PAPPA: variants seen among roughly 807,000 people sequenced by gnomAD.
The protein encoded by PAPPA is pappalysin-1.
PAPPA carries 60 observed loss-of-function variants against 164.0 expected under a neutral mutation model. The ratio of observed to expected loss-of-function variants is 0.37; its 90% CI spans 0.30 to 0.45. The LOEUF is 0.45. Among genes scored for constraint, PAPPA ranks in the 20% least tolerant of loss-of-function variants. PAPPA has a pLI of 1.00. For synonymous variants in PAPPA, 875 were observed against 814.1 expected, an observed-to-expected ratio of 1.07 and a Z score of -1.27; for missense variants, 1,782 against 2,087.3, an observed-to-expected ratio of 0.85 and a Z score of 2.85.
chr9:116,211,150 T>G (rs576870607), intron 3 of PAPPA, among the ~76,000 whole-genome samples: 2 of 152,188 alleles, frequency 1.3e-5, no homozygotes, highest in Non-Finnish European at 1.5e-5. Context: ...GATTCAGAGA[T>G]GCTAATTACT....
chr9:116,236,604 A>G (rs935094588), intron 7 of PAPPA, among the ~76,000 whole-genome samples: 4 of 151,792 alleles, frequency 2.6e-5, no homozygotes, highest in Non-Finnish European at 5.9e-5. Flanking sequence ...AAAAAAAAAA[A>G]AATTACTCAC....
chr9:116,163,497 C>A lies in PAPPA; in HGVS notation c.415+8910C>A, dbSNP rs144180275. On this transcript the variant is annotated intron_variant, in intron 1 of 21. Transcript: ENST00000328252. Reference sequence around the variant, plus strand: ...TGTGTGACTTTAGGCAAGTCACTCTCCCTCTCAGAACCAGTTTTCACATCT... The same window carrying A: ...TGTGTGACTTTAGGCAAGTCACTCTACCTCTCAGAACCAGTTTTCACATCT... Among the ~76,000 whole-genome samples, 13 of 152,238 alleles carry A rather than the reference C, an allele frequency of 8.5e-5. No homozygotes were observed. The East Asian group carries it at 2.5e-3, about 29-fold the overall frequency.
At chr9:116,265,013 G>A (rs984775377) in intron 7 of PAPPA, among the ~76,000 whole-genome samples, 3 of 152,116 alleles carry the variant, frequency 2.0e-5, no homozygotes, top group Non-Finnish European at 4.4e-5. Context: ...CTGGCAGGAA[G>A]CAGTCCTTGG....
At chr9:116,374,343 C>T (rs1846621929) in intron 19 of PAPPA, among the ~76,000 whole-genome samples, 1 of 152,112 alleles carries the variant, frequency 6.6e-6, no homozygotes, top group Non-Finnish European at 1.5e-5. Context: ...TCTGGCTGGG[C>T]TAGATGTCTC....
At position 116,235,206 on chromosome 9, in the gene PAPPA, C is replaced by G; in HGVS notation, c.2301C>G (p.Asn767Lys). The change falls in exon 7 of 22, where the codon AAC becomes AAG. Residue 767 changes from asparagine to lysine, a missense_variant. Transcript: ENST00000328252. ...VRTWSPNSAVNPHTVPPACPE... is the reference protein window; with the variant it reads ...VRTWSPNSAVKPHTVPPACPE... Reference sequence around the variant, plus strand: ...CCTGGAGCCCAAATTCAGCTGTCAACCCACACACGGTTCCTCCAGCCTGCC... The same window carrying G: ...CCTGGAGCCCAAATTCAGCTGTCAAGCCACACACGGTTCCTCCAGCCTGCC... 6.2e-7 allele frequency: 1 copy of G among 1,614,158 alleles called. No individual in the cohort carries two copies. Among genetic ancestry groups the G allele is most frequent in the Non-Finnish European group, 8.5e-7 (1 of 1,180,000 alleles).
At chr9:116,179,334 C>A (rs1239868699) in intron 1 of PAPPA, among the ~76,000 whole-genome samples, 3 of 152,182 alleles carry the variant, frequency 2.0e-5, no homozygotes, top group Non-Finnish European at 4.4e-5. Context: ...TCTACTGCTC[C>A]ATGCCGTCCT....
In PAPPA at chr9:116,382,487, C is replaced by T. The variant is rs760584529; in HGVS notation, c.4770C>T (p.Thr1590=). ...ATTGCTGCACCTCCACAGTGAAGAC[C>T]AAAAAGGTAGGCCAGTGTGCACTCC... is the stretch of plus-strand genomic sequence containing the variant. ...GGDCCTSTVK[T]KKVTPFPMSC... The change falls in exon 21 of 22, where the codon ACC becomes ACT. Residue 1590 remains threonine (T), a synonymous_variant. Coordinates refer to ENST00000328252, the MANE Select transcript of PAPPA (RefSeq NM_002581.5). 1.9e-6 allele frequency: 3 copies of T among 1,609,140 alleles called. No homozygotes were observed. Among genetic ancestry groups the T allele is most frequent in the African/African-American group, 1.3e-5 (1 of 74,742 alleles).
At chr9:116,389,762 C>T (rs1231220945) in intron 21 of PAPPA, among the ~76,000 whole-genome samples, 1 of 151,768 alleles carries the variant, frequency 6.6e-6, no homozygotes, top group East Asian at 1.9e-4. Flanking sequence ...CCTGACCACC[C>T]AACCCACATC....
intron 21 of PAPPA, among the ~76,000 whole-genome samples, chr9:116,395,553 G>A (rs1337232908): frequency 6.6e-6 from 1 of 152,208 alleles, no homozygotes; most frequent in Non-Finnish European, 1.5e-5. Context: ...GACTCAAGCA[G>A]GAACTGCACT....
Position 116,229,627 on chromosome 9 carries a change from G to C in PAPPA, c.2233+2075G>C, listed in dbSNP as rs907720235. On this transcript the variant is annotated intron_variant, in intron 6 of 21. Coordinates refer to ENST00000328252, the MANE Select transcript of PAPPA (RefSeq NM_002581.5). ...ATAATGGCCAGGTGAGGACGGGTTT[G>C]GATTCACAGCAAGGGCAGTGAGAAA... 7.2e-5 allele frequency among the ~76,000 whole-genome samples: 11 copies of C among 152,306 alleles called. 2 individuals carry two copies. In the Middle Eastern group the frequency reaches 0.031, roughly 424 times the overall value.
intron 17 of PAPPA, among the ~76,000 whole-genome samples, chr9:116,360,325 C>T (rs1021254840): frequency 1.4e-4 from 21 of 152,224 alleles, no homozygotes; most frequent in African/African-American, 4.6e-4. Context: ...CGAGCCCCTA[C>T]AGAACCTCTG....
At chr9:116,321,433 G>C (rs1845855173) in intron 10 of PAPPA, among the ~76,000 whole-genome samples, 1 of 152,158 alleles carries the variant, frequency 6.6e-6, no homozygotes, top group Admixed American at 6.5e-5. Flanking sequence ...CCAAGTTCAA[G>C]AATTGCAAAT....
At position 116,340,080 on chromosome 9, in the gene PAPPA, G is replaced by A. The variant is rs774754357; in HGVS notation, c.3612-4463G>A. 5.3e-5 allele frequency among the ~76,000 whole-genome samples: 8 copies of A among 152,240 alleles called. No individual in the cohort carries two copies. In the East Asian group the frequency reaches 9.6e-4, roughly 18 times the overall value. Reference sequence around the variant, plus strand: ...TATAGAATTACCTGCATTCTTTCCCGCTCATCCATCCAATCAGCCACCTTT... The same window carrying A: ...TATAGAATTACCTGCATTCTTTCCCACTCATCCATCCAATCAGCCACCTTT... On this transcript the variant is annotated intron_variant, in intron 13 of 21. Coordinates refer to ENST00000328252, the MANE Select transcript of PAPPA (RefSeq NM_002581.5).
chr9:116,257,387 C>G (rs556449248), intron 7 of PAPPA, among the ~76,000 whole-genome samples: 8 of 152,082 alleles, frequency 5.3e-5, no homozygotes, highest in Admixed American at 1.3e-4. Context: ...GGTCTCCTAC[C>G]TAGCGCAGCT....
At chr9:116,155,319 A>G (rs1843588243) in intron 1 of PAPPA, among the ~76,000 whole-genome samples, 1 of 152,138 alleles carries the variant, frequency 6.6e-6, no homozygotes, top group African/African-American at 2.4e-5. Flanking sequence ...CTCCCTCCTC[A>G]ACCTCCCTCT....
chr9:116,220,960 T>C (rs1473484894), intron 5 of PAPPA, among the ~76,000 whole-genome samples: 1 of 139,172 alleles, frequency 7.2e-6, no homozygotes, highest in South Asian at 2.6e-4. Context: ...TTTTTTTTTT[T>C]TATTTTGTAG....
intron 1 of PAPPA, among the ~76,000 whole-genome samples, chr9:116,180,597 C>A (rs1843892716): frequency 6.6e-6 from 1 of 151,914 alleles, no homozygotes; most frequent in East Asian, 1.9e-4. Context: ...GTTTTTTCTC[C>A]TTCTATATCT....
intron 10 of PAPPA, among the ~76,000 whole-genome samples, chr9:116,305,483 AC>A (rs1845635077): frequency 6.6e-6 from 1 of 152,098 alleles, no homozygotes; most frequent in African/African-American, 2.4e-5. Flanking sequence ...ACACACACAC[AC>A]ACACACATAC....
chr9:116,264,790 T>A (rs1221625834), intron 7 of PAPPA, among the ~76,000 whole-genome samples: 12 of 152,180 alleles, frequency 7.9e-5, no homozygotes, highest in South Asian at 6.2e-4. Flanking sequence ...CAGAGGTAGA[T>A]GAAAGATAGG....
Sources: gnomAD v4.1 joint callset for allele counts (sites outside exome capture counted in the v4.1 genomes callset) on GRCh38, gnomAD v4.1.1 for gene constraint, MANE v1.5 for transcripts, NCBI Gene and HGNC (gene_info 2026-07-23, HGNC 2026-07-21) for gene names.